The following COL8A1 variants were observed in gnomAD, a reference collection of about 807,000 sequenced individuals.
The protein encoded by COL8A1 is collagen alpha-1(VIII) chain.
COL8A1 carries 21 observed loss-of-function variants against 42.7 expected under a neutral mutation model. The ratio of observed to expected loss-of-function variants is 0.49; its 90% confidence interval spans 0.35 to 0.71. The LOEUF (loss-of-function observed/expected upper bound fraction) is 0.71, where lower values mean the gene tolerates loss of function less well. COL8A1 is among the 30% of genes least tolerant of loss of function. COL8A1 has a pLI of 0.01. For missense variants in COL8A1, 788 were observed against 962.4 expected (o/e 0.82, Z 2.40); for synonymous variants, 367 against 369.1 (o/e 0.99, Z 0.06).
chr3:99,689,112 T>C (rs1939146051), intron 1 of COL8A1, among the ~76,000 whole-genome samples: 1 of 152,244 alleles, frequency 6.6e-6, no homozygotes, highest in South Asian at 2.1e-4. Flanking sequence ...TCCAGCGATA[T>C]TAATTAATGA....
intron 2 of COL8A1, among the ~76,000 whole-genome samples, chr3:99,777,184 T>G (rs1188901403): frequency 6.6e-6 from 1 of 152,162 alleles, no homozygotes; most frequent in African/African-American, 2.4e-5. Context: ...ATGGAGTTGC[T>G]CTGGTTTGAA....
rs138924897 is a variant in COL8A1, at chr3:99,666,910, A to G, written c.-129+28246A>G. 3.9e-4 allele frequency among the ~76,000 whole-genome samples: 59 copies of G among 152,314 alleles called. No individual in the cohort carries two copies. The East Asian group carries it at 9.4e-3, about 24-fold the overall frequency. ...CCTCTAGTCTTTATTTTCCTTTTCTATCAATACAGGACCAGGATAATTTAT... is the reference window on the plus strand; with the variant it reads ...CCTCTAGTCTTTATTTTCCTTTTCTGTCAATACAGGACCAGGATAATTTAT... On this transcript the variant is annotated intron_variant, in intron 1 of 3. Transcript: ENST00000652472.
chr3:99,707,213 A>G (rs1576440774), intron 1 of COL8A1: 2 of 152,192 alleles, frequency 1.3e-5, no homozygotes, highest in East Asian at 3.9e-4. Flanking sequence ...TAAGGGAAAC[A>G]TGTTCAATTA....
chr3:99,795,768 A>G lies in COL8A1; in HGVS notation c.1867A>G (p.Thr623Ala). The G allele has an allele frequency of 6.2e-7, 1 of 1,614,106 alleles. No homozygotes were observed. Among genetic ancestry groups the G allele is most frequent in the South Asian group, 1.1e-5 (1 of 91,074 alleles). ...GATGCCTGCATTTACCGCCGAGCTA[A>G]CCGCACCTTTCCCACCGGTGGGGGC... ...YEMPAFTAEL[T>A]APFPPVGAPV... Residue 623 changes from threonine (T) to alanine (A), a missense_variant, in exon 4 of 4, where the codon ACC becomes GCC. By Grantham distance (58) the Thr-to-Ala change is moderately conservative. Transcript: ENST00000652472.
chr3:99,667,878 T>C (rs960625305), intron 1 of COL8A1, among the ~76,000 whole-genome samples: 3 of 152,158 alleles, frequency 2.0e-5, no homozygotes, highest in Non-Finnish European at 4.4e-5. Flanking sequence ...CCTAGGTTTT[T>C]ATCTCCTTGT....
intron 1 of COL8A1, among the ~76,000 whole-genome samples, chr3:99,697,849 G>T (rs1335018464): frequency 6.6e-6 from 1 of 152,062 alleles, no homozygotes; most frequent in African/African-American, 2.4e-5. Context: ...TAAGTTCTGG[G>T]GTATGTCTGC....
chr3:99,742,915 A>G (rs1940932910), intron 1 of COL8A1, among the ~76,000 whole-genome samples: 1 of 152,212 alleles, frequency 6.6e-6, no homozygotes, highest in South Asian at 2.1e-4. Flanking sequence ...AGAAAAATTG[A>G]AAAAAATCTT....
At chr3:99,669,691 T>G (rs1037887740) in intron 1 of COL8A1, among the ~76,000 whole-genome samples, 1 of 152,058 alleles carries the variant, frequency 6.6e-6, no homozygotes, top group African/African-American at 2.4e-5. Flanking sequence ...AATAACCATA[T>G]AAGTCAACCT....
At chr3:99,739,081 G>C (rs1397020646) in intron 1 of COL8A1, among the ~76,000 whole-genome samples, 1 of 152,108 alleles carries the variant, frequency 6.6e-6, no homozygotes, top group African/African-American at 2.4e-5. Context: ...CCCTGCTTTG[G>C]CTCGTGCACG....
At chr3:99,710,445 GT>G (rs1939802588) in intron 1 of COL8A1, among the ~76,000 whole-genome samples, 1 of 152,192 alleles carries the variant, frequency 6.6e-6, no homozygotes, top group African/African-American at 2.4e-5. Context: ...AGGAATGTCA[GT>G]TATGTCCAAA....
intron 1 of COL8A1, among the ~76,000 whole-genome samples, chr3:99,657,460 T>C (rs1185265833): frequency 1.3e-5 from 2 of 152,222 alleles, no homozygotes; most frequent in Non-Finnish European, 2.9e-5. Context: ...TAGCGGCATC[T>C]TTTAGCTGAT....
rs568964164 is a variant in COL8A1 at position 99,715,507 on chromosome 3, A to C, written c.-128-29390A>C. The stretch of plus-strand genomic sequence containing the variant: ...GACTGGCTCCCCATGAATAACCCTA[A>C]TCCAGAGAGGTAGAATGAGTTAACT... On this transcript the variant is annotated intron_variant, in intron 1 of 3. Coordinates refer to ENST00000652472, the MANE Select transcript of COL8A1 (RefSeq NM_020351.4). Among the ~76,000 whole-genome samples, 3 of 152,102 alleles carry C rather than the reference A, an allele frequency of 2.0e-5. No individual in the cohort carries two copies. The South Asian group carries it at 6.2e-4, about 32-fold the overall frequency.
intron 2 of COL8A1, among the ~76,000 whole-genome samples, chr3:99,777,458 C>T (rs1171970874): frequency 6.6e-6 from 1 of 152,162 alleles, no homozygotes; most frequent in African/African-American, 2.4e-5. Flanking sequence ...GAACTGGAAT[C>T]ATGACAACCA....
At chr3:99,715,827 G>T (rs1939979742) in intron 1 of COL8A1, among the ~76,000 whole-genome samples, 1 of 151,978 alleles carries the variant, frequency 6.6e-6, no homozygotes, top group East Asian at 1.9e-4. Flanking sequence ...CTAAAGTGGG[G>T]TTGGGGTAAA....
chr3:99,758,278 A>C (rs1332972478), intron 2 of COL8A1, among the ~76,000 whole-genome samples: 1 of 152,090 alleles, frequency 6.6e-6, no homozygotes, highest in Non-Finnish European at 1.5e-5. Context: ...TTTCTTTGTC[A>C]GGTTTTAAAT....
At chr3:99,675,283 T>C (rs528845728) in intron 1 of COL8A1, among the ~76,000 whole-genome samples, 113 of 152,222 alleles carry the variant, frequency 7.4e-4, no homozygotes, top group African/African-American at 2.7e-3. Context: ...CTTTCCTTCC[T>C]TATTTTTGGC....
At chr3:99,639,826 A>T (rs1476817303) in intron 1 of COL8A1, among the ~76,000 whole-genome samples, 2 of 152,232 alleles carry the variant, frequency 1.3e-5, no homozygotes, top group Admixed American at 1.3e-4. Context: ...AGGCAAACCA[A>T]AAGTACCAGT....
intron 1 of COL8A1, chr3:99,703,697 C>CAATACTGG (rs1939605402): frequency 6.6e-6 from 1 of 152,178 alleles, no homozygotes; most frequent in South Asian, 2.1e-4. Context: ...CTGTCAACTG[C>CAATACTGG]AATACTGGAA....
intron 2 of COL8A1, among the ~76,000 whole-genome samples, chr3:99,776,948 C>A (rs144535536): frequency 1.6e-3 from 248 of 152,316 alleles, no homozygotes; most frequent in African/African-American, 5.5e-3. Context: ...TGCATTATAA[C>A]TAGCATGTAA....
Sources: gnomAD v4.1 joint callset for allele counts (sites outside exome capture counted in the v4.1 genomes callset) on GRCh38, gnomAD v4.1.1 for gene constraint, MANE v1.5 for transcripts, NCBI Gene and HGNC (gene_info 2026-07-23, HGNC 2026-07-21) for gene names.